Variants in VIPR2 observed in about 807,000 individuals in gnomAD.
VIPR2 encodes the protein vasoactive intestinal peptide receptor 2.
Under a neutral mutation model 58.0 loss-of-function variants are expected in VIPR2, and 48 were observed. The observed-to-expected ratio is 0.83, with a 90% CI of 0.66 to 1.05. VIPR2 has a LOEUF of 1.05. Ranked by LOEUF, VIPR2 falls within the 50% of genes least tolerant of loss-of-function variation. The pLI is 0.00. For missense variants in VIPR2, 534 were observed against 558.0 expected (o/e 0.96, Z 0.43); for synonymous variants, 243 against 235.2 (o/e 1.03, Z -0.30).
intron 2 of VIPR2, among the ~76,000 whole-genome samples, chr7:159,119,245 A>G (rs1223371338): frequency 6.6e-6 from 1 of 152,148 alleles, no homozygotes; most frequent in Non-Finnish European, 1.5e-5. Flanking sequence ...CCCGCCCCAC[A>G]GCTCCTGGCT....
At chr7:159,061,559 T>G (rs1305289089) in intron 4 of VIPR2, among the ~76,000 whole-genome samples, 3 of 150,358 alleles carry the variant, frequency 2.0e-5, no homozygotes, top group South Asian at 2.1e-4. Context: ...GAGACTGAGG[T>G]AGGAGGATCA....
chr7:159,039,750 G>A (rs774516910), intron 6 of VIPR2, among the ~76,000 whole-genome samples: 1 of 152,324 alleles, frequency 6.6e-6, no homozygotes, highest in South Asian at 2.1e-4. Context: ...AAATGTCTGC[G>A]ACAGGAGCAC....
At position 159,036,825 on chromosome 7, in the gene VIPR2, G is replaced by A; in HGVS notation, c.675C>T (p.Leu225=). 6.2e-7 allele frequency: 1 copy of A among 1,613,988 alleles called. No homozygotes were observed. The highest frequency in any genetic ancestry group is 8.5e-7 in the Non-Finnish European group (1 of 1,179,986). ...ANFFWLLVEG[L]YLHTLLVAML... ...TGGCCACCAGGAGGGTGTGGAGGTAGAGCCCCTCCACCAGCAGCCAGAAGA... is the reference window on the plus strand; with the variant it reads ...TGGCCACCAGGAGGGTGTGGAGGTAAAGCCCCTCCACCAGCAGCCAGAAGA... Residue 225 remains leucine (L), a synonymous_variant, in exon 7 of 13, where the codon CTC becomes CTT. Coordinates refer to ENST00000262178, the MANE Select transcript of VIPR2 (RefSeq NM_003382.5).
Position 159,097,089 on chromosome 7 carries a change from G to T in VIPR2, c.357+6668C>A. ...CACCCTGGGAGGCTGGTGTGTCCTTGCAGGGTTGCAGGAGGGTTGGCGGGA... is the reference window on the plus strand; with the variant it reads ...CACCCTGGGAGGCTGGTGTGTCCTTTCAGGGTTGCAGGAGGGTTGGCGGGA... On this transcript the variant is annotated intron_variant, in intron 4 of 12. Coordinates refer to ENST00000262178, the MANE Select transcript of VIPR2 (RefSeq NM_003382.5). This position sits in a 1 kb window ranked among gnomAD's most constrained non-coding sequence, Gnocchi z 5.3. The T allele has an allele frequency of 6.6e-7, 1 of 1,524,890 alleles. No individual in the cohort carries two copies. The highest frequency in any genetic ancestry group is 2.0e-5 in the Admixed American group (1 of 49,070). 94.5% of individuals were successfully genotyped at this position (1,524,890 alleles called of 1,614,324 possible).
At chr7:159,070,642 A>T (rs1235851415) in intron 4 of VIPR2, among the ~76,000 whole-genome samples, 1 of 152,204 alleles carries the variant, frequency 6.6e-6, no homozygotes, top group East Asian at 1.9e-4. Context: ...CACCACAGGA[A>T]GTTTGTTTTG....
chr7:159,038,401 C>T (rs865982238), intron 6 of VIPR2, among the ~76,000 whole-genome samples: 1 of 152,158 alleles, frequency 6.6e-6, no homozygotes, highest in Non-Finnish European at 1.5e-5. Context: ...ACGCGGATCT[C>T]GTGTGTCAAC....
intron 2 of VIPR2, among the ~76,000 whole-genome samples, chr7:159,122,362 C>T (rs901477540): frequency 9.9e-5 from 15 of 152,190 alleles, no homozygotes; most frequent in African/African-American, 2.4e-4. Context: ...GTGGCAGAGA[C>T]GAGGCTCCAG....
intron 5 of VIPR2, among the ~76,000 whole-genome samples, chr7:159,049,472 G>A (rs894046080): frequency 3.3e-5 from 5 of 152,272 alleles, no homozygotes; most frequent in Middle Eastern, 3.4e-3. Flanking sequence ...TTAGCTCTCC[G>A]GGCACAGAGG....
intron 4 of VIPR2, among the ~76,000 whole-genome samples, chr7:159,060,542 A>G (rs553666554): frequency 6.6e-6 from 1 of 150,422 alleles, no homozygotes; most frequent in African/African-American, 2.5e-5. Context: ...CCCTCACATC[A>G]TCTAACAACC....
intron 4 of VIPR2, among the ~76,000 whole-genome samples, 184 bp from the exon 5 acceptor site, chr7:159,058,762 G>GC (rs1336167329): frequency 2.6e-5 from 4 of 152,154 alleles, no homozygotes; most frequent in African/African-American, 9.7e-5. Flanking sequence ...CCCACAATTT[G>GC]GAACCTCCAC....
Position 159,095,691 on chromosome 7 carries a change from G to A in VIPR2, c.357+8066C>T, listed in dbSNP as rs531836314. Reference sequence around the variant, plus strand: ...GCCCTGCTGTTCTGCCCCCTTGGCCGTTATCCAGCCCACGGTGGTCTCCAC... The same window carrying A: ...GCCCTGCTGTTCTGCCCCCTTGGCCATTATCCAGCCCACGGTGGTCTCCAC... On this transcript the variant is annotated intron_variant, in intron 4 of 12. Transcript: ENST00000262178. The surrounding 1 kb of genome is among the most constrained non-coding windows in gnomAD (Gnocchi z 5.2). 5.9e-5 allele frequency among the ~76,000 whole-genome samples: 9 copies of A among 152,266 alleles called. No homozygotes were observed. In the South Asian group the frequency reaches 8.3e-4, roughly 14 times the overall value.
Position 159,127,525 on chromosome 7 carries a change from A to T in VIPR2, c.151+14921T>A, listed in dbSNP as rs1796698855. Among the ~76,000 whole-genome samples the T allele has an allele frequency of 6.6e-6, 1 of 152,168 alleles. No homozygotes were observed. The highest frequency in any genetic ancestry group is 2.1e-4 in the South Asian group (1 of 4,820). On this transcript the variant is annotated intron_variant, in intron 2 of 12. Coordinates refer to ENST00000262178, the MANE Select transcript of VIPR2 (RefSeq NM_003382.5). The surrounding 1 kb of genome is among the most constrained non-coding windows in gnomAD (Gnocchi z 4.6). ...ACCCAAACATCCAAGTATGCTCCAA[A>T]TTGAGCCTGAGTCAGTCCAATACAT...
At chr7:159,076,811 T>C (rs1029114034) in intron 4 of VIPR2, among the ~76,000 whole-genome samples, 1 of 152,184 alleles carries the variant, frequency 6.6e-6, no homozygotes, top group African/African-American at 2.4e-5. Flanking sequence ...TTGGTTTAGT[T>C]TTTTTAAAAA....
At chr7:159,059,240 C>T in intron 4 of VIPR2, 1 of 471,066 alleles carries the variant, frequency 2.1e-6, no homozygotes, top group Non-Finnish European at 4.4e-6. Context: ...ACTGGGTCCT[C>T]TAGAAGGAAA....
chr7:159,136,723 C>A (rs1585570248), intron 2 of VIPR2, among the ~76,000 whole-genome samples: 2 of 152,112 alleles, frequency 1.3e-5, no homozygotes, highest in Admixed American at 1.3e-4. Context: ...AAGGAGGAGG[C>A]CCCGACAGAC....
chr7:159,097,164 A>G lies in VIPR2; in HGVS notation c.357+6593T>C. On this transcript the variant is annotated intron_variant, in intron 4 of 12. Coordinates refer to ENST00000262178, the MANE Select transcript of VIPR2 (RefSeq NM_003382.5). This position sits in a 1 kb window ranked among gnomAD's most constrained non-coding sequence, Gnocchi z 5.3. ...GGCATCTGCAGTGCCAGCTGCTGTG[A>G]TCTTTGTCACCAGGGATGGGAGCCC... 6.9e-7 allele frequency: 1 copy of G among 1,446,798 alleles called. No homozygotes were observed. The allele number at this position is 1,446,798 out of a possible 1,614,324, so 89.6% of individuals were successfully genotyped here. A position where few individuals can be genotyped will look rare whatever the true frequency, so the allele number is the denominator to read the frequency against.
chr7:159,118,494 C>A (rs559452634), intron 2 of VIPR2, among the ~76,000 whole-genome samples: 1 of 152,300 alleles, frequency 6.6e-6, no homozygotes, highest in African/African-American at 2.4e-5. Context: ...TCCCCTGCCT[C>A]CTGATCCTGC....
rs939247765 is a variant in VIPR2 at position 159,099,082 on chromosome 7, C to A, written c.357+4675G>T. Among the ~76,000 whole-genome samples the A allele has an allele frequency of 6.6e-6, 1 of 152,240 alleles. No homozygotes were observed. The highest frequency in any genetic ancestry group is 2.4e-5 in the African/African-American group (1 of 41,470). ...TTCGTCTTGGAAGCGAGTCCCTAAA[C>A]CAACCAAGTATTCAAAGTATTCAAC... On this transcript the variant is annotated intron_variant, in intron 4 of 12. Coordinates refer to ENST00000262178, the MANE Select transcript of VIPR2 (RefSeq NM_003382.5). This position sits in a 1 kb window ranked among gnomAD's most constrained non-coding sequence, Gnocchi z 4.2.
chr7:159,063,805 C>CTGGGGGG, intron 4 of VIPR2, among the ~76,000 whole-genome samples: 1 of 78,796 alleles, frequency 1.3e-5, no homozygotes, highest in Admixed American at 1.5e-4. Flanking sequence ...CTGGTGGGGT[C>CTGGGGGG]CGGGGGTCCT....
Sources: allele counts gnomAD v4.1 joint callset (sites outside exome capture counted in the v4.1 genomes callset), GRCh38; gene constraint gnomAD v4.1.1; non-coding constraint Gnocchi (gnomAD v3.1); transcripts MANE v1.5; gene names NCBI Gene and HGNC (gene_info 2026-07-23, HGNC 2026-07-21).